Variants in CNTNAP5 observed in about 807,000 individuals in gnomAD.
CNTNAP5 encodes contactin associated protein family member 5.
Under a neutral mutation model 150.2 loss-of-function variants are expected in CNTNAP5, and 72 were observed. That is an observed-to-expected ratio of 0.48 (90% confidence interval 0.40 to 0.58). The LOEUF is 0.58. CNTNAP5 is among the 20% of genes least tolerant of loss of function. The pLI is 0.00. For missense variants in CNTNAP5, 1,636 were observed against 1,626.2 expected, an observed-to-expected ratio of 1.01 and a Z score of -0.10; for synonymous variants, 672 against 619.8, an observed-to-expected ratio of 1.08 and a Z score of -1.25.
intron 19 of CNTNAP5, among the ~76,000 whole-genome samples, chr2:124,804,234 C>T (rs1682034157): frequency 6.6e-6 from 1 of 152,144 alleles, no homozygotes; most frequent in Non-Finnish European, 1.5e-5. Flanking sequence ...CTCCTGGTCA[C>T]TTTCTCCTAG....
At chr2:124,456,268 G>A (rs189956246) in intron 6 of CNTNAP5, among the ~76,000 whole-genome samples, 71 of 152,126 alleles carry the variant, frequency 4.7e-4, no homozygotes, top group African/African-American at 1.6e-3. Flanking sequence ...CAGCGACAAC[G>A]CTGAGAATGA....
intron 1 of CNTNAP5, among the ~76,000 whole-genome samples, chr2:124,038,776 C>T (rs1233884278): frequency 2.0e-5 from 3 of 152,180 alleles, no homozygotes; most frequent in African/African-American, 7.2e-5. Flanking sequence ...AGACTTCTGC[C>T]TTATTCTTAA....
At chr2:124,835,171 T>C (rs1222378811) in intron 19 of CNTNAP5, among the ~76,000 whole-genome samples, 1 of 152,176 alleles carries the variant, frequency 6.6e-6, no homozygotes, top group Non-Finnish European at 1.5e-5. Flanking sequence ...TATCGTGTAA[T>C]ATTTCCACAT....
chr2:124,730,903 A>G (rs1459236960), intron 13 of CNTNAP5, among the ~76,000 whole-genome samples: 2 of 152,118 alleles, frequency 1.3e-5, no homozygotes, highest in African/African-American at 2.4e-5. Context: ...TAGGAGATAC[A>G]GGCATGAAAT....
At chr2:124,259,576 T>A (rs1169118521) in intron 3 of CNTNAP5, among the ~76,000 whole-genome samples, 1 of 152,176 alleles carries the variant, frequency 6.6e-6, no homozygotes, top group Non-Finnish European at 1.5e-5. Context: ...GGTATCTCAT[T>A]GTGGTTTTGA....
At chr2:124,172,845 T>G (rs1481876385) in intron 1 of CNTNAP5, among the ~76,000 whole-genome samples, 1 of 152,116 alleles carries the variant, frequency 6.6e-6, no homozygotes, top group East Asian at 1.9e-4. Flanking sequence ...CACAGTAATA[T>G]ATACAGGGCA....
chr2:124,356,029 C>T (rs1385016748), intron 3 of CNTNAP5, among the ~76,000 whole-genome samples: 1 of 152,068 alleles, frequency 6.6e-6, no homozygotes, highest in Non-Finnish European at 1.5e-5. Flanking sequence ...AAAAACAATG[C>T]TTACAGATAA....
intron 3 of CNTNAP5, among the ~76,000 whole-genome samples, chr2:124,365,840 T>C (rs1421042128): frequency 6.6e-6 from 1 of 152,236 alleles, no homozygotes; most frequent in African/African-American, 2.4e-5. Context: ...ATCCCATTCT[T>C]AAATCTTAGA....
chr2:124,680,518 G>GC (rs1679042479), intron 13 of CNTNAP5, among the ~76,000 whole-genome samples: 1 of 151,854 alleles, frequency 6.6e-6, no homozygotes, highest in Non-Finnish European at 1.5e-5. Context: ...CAGAAGGGCT[G>GC]CCTTCACTTT....
intron 3 of CNTNAP5, among the ~76,000 whole-genome samples, chr2:124,290,257 T>A (rs1688252374): frequency 6.6e-6 from 1 of 152,144 alleles, no homozygotes; most frequent in African/African-American, 2.4e-5. Context: ...AATGCCATAT[T>A]CAAAAGGCAT....
chr2:124,647,650 G>A (rs949563002), intron 12 of CNTNAP5, 108 bp from the exon 13 acceptor site: 40 of 965,726 alleles, frequency 4.1e-5, no homozygotes, highest in Admixed American at 4.1e-4. Context: ...ATACGGTACC[G>A]GAGTGTTGAT....
intron 16 of CNTNAP5, among the ~76,000 whole-genome samples, chr2:124,765,815 G>A (rs1004453732): frequency 1.3e-4 from 20 of 151,916 alleles, no homozygotes; most frequent in African/African-American, 3.6e-4. Flanking sequence ...AATTATCCAC[G>A]TGTGGTGCCA....
At chr2:124,251,335 T>G (rs1558819993) in intron 3 of CNTNAP5, among the ~76,000 whole-genome samples, 1 of 151,704 alleles carries the variant, frequency 6.6e-6, no homozygotes, top group Non-Finnish European at 1.5e-5. Context: ...TCATAAAAAT[T>G]GGGCTGGAGT....
intron 1 of CNTNAP5, among the ~76,000 whole-genome samples, chr2:124,216,974 C>G (rs1012339153): frequency 6.6e-6 from 1 of 152,152 alleles, no homozygotes; most frequent in Non-Finnish European, 1.5e-5. Context: ...CACCAACTTC[C>G]ACAATGGTTA....
At chr2:124,443,821 TG>T (rs1283895956) in intron 5 of CNTNAP5, among the ~76,000 whole-genome samples, 4 of 150,284 alleles carry the variant, frequency 2.7e-5, no homozygotes, top group Non-Finnish European at 4.5e-5. Context: ...GCCGTGTGTG[TG>T]TGTGTGTGTG....
intron 19 of CNTNAP5, among the ~76,000 whole-genome samples, chr2:124,856,944 C>G (rs1677388031): frequency 6.6e-6 from 1 of 152,194 alleles, no homozygotes; most frequent in African/African-American, 2.4e-5. Context: ...GGGGTCAAAC[C>G]TGCAGGGAGG....
intron 8 of CNTNAP5, among the ~76,000 whole-genome samples, chr2:124,513,298 C>A (rs1277655837): frequency 6.6e-6 from 1 of 152,122 alleles, no homozygotes; most frequent in Non-Finnish European, 1.5e-5. Flanking sequence ...CATAAGGACA[C>A]CAAACATATG....
chr2:124,769,727 G>A (rs1325922290), intron 16 of CNTNAP5, among the ~76,000 whole-genome samples: 3 of 152,156 alleles, frequency 2.0e-5, no homozygotes, highest in Non-Finnish European at 4.4e-5. Flanking sequence ...GTTTCCAGGT[G>A]TGGAGGTTTT....
chr2:124,413,166 C>G lies in CNTNAP5; in HGVS notation c.382-4277C>G, dbSNP rs1416473242. ...CACTGGCCATCAGAGAAATGCAAAT[C>G]AAAACCACAATGAGATACCATCTCA... On this transcript the variant is annotated intron_variant, in intron 3 of 23. Coordinates refer to ENST00000682447, the MANE Select transcript of CNTNAP5 (RefSeq NM_001367498.1). Among the ~76,000 whole-genome samples the G allele has an allele frequency of 1.5e-5, 2 of 137,122 alleles. 1 individual carries two copies. 90.0% of individuals were successfully genotyped at this position (137,122 alleles called of 152,430 possible).
Sources: allele counts gnomAD v4.1 joint callset (sites outside exome capture counted in the v4.1 genomes callset), GRCh38; gene constraint gnomAD v4.1.1; transcripts MANE v1.5; gene names NCBI Gene and HGNC (gene_info 2026-07-23, HGNC 2026-07-21).